SPECC1: variants seen among roughly 807,000 people sequenced by gnomAD.
The protein encoded by SPECC1 is cytospin-B.
A neutral mutation model predicts 104.1 loss-of-function variants in SPECC1; 62 were observed. The observed-to-expected ratio is 0.60, with a 90% CI of 0.49 to 0.74. SPECC1 has a LOEUF of 0.74. Ranked by LOEUF, SPECC1 falls within the 30% of genes least tolerant of loss-of-function variation. The probability of loss-of-function intolerance (pLI) is 0.00; values close to 1 mark genes in which losing one functional copy is unlikely to be tolerated. For missense variants in SPECC1, 1,306 were observed against 1,310.5 expected, an observed-to-expected ratio of 1.00 and a Z score of 0.05; for synonymous variants, 513 against 501.6, an observed-to-expected ratio of 1.02 and a Z score of -0.30.
chr17:20,236,830 A>G (rs2038943107), intron 7 of SPECC1: 2 of 1,613,756 alleles, frequency 1.2e-6, no homozygotes, highest in Non-Finnish European at 8.5e-7. Context: ...ACTCCTTTAC[A>G]GCCTCTCCCT....
At chr17:20,013,448 T>C (rs1481957236) in intron 1 of SPECC1, among the ~76,000 whole-genome samples, 2 of 152,230 alleles carry the variant, frequency 1.3e-5, no homozygotes, top group Non-Finnish European at 2.9e-5. Context: ...AGCCCATTTA[T>C]ATTTATTTTG....
chr17:20,296,931 CTTGT>C, intron 12 of SPECC1, 26 bp from the exon 13 acceptor site: 3 of 1,601,188 alleles, frequency 1.9e-6, no homozygotes, highest in Non-Finnish European at 2.6e-6. Flanking sequence ...TGCAATAGTT[CTTGT>C]TTATTACTAC....
chr17:20,242,439 G>A (rs555472689), intron 7 of SPECC1, among the ~76,000 whole-genome samples: 8 of 152,226 alleles, frequency 5.3e-5, no homozygotes, highest in Non-Finnish European at 1.0e-4. Flanking sequence ...TCTGCTTATG[G>A]AGTGTGCATC....
intron 1 of SPECC1, among the ~76,000 whole-genome samples, chr17:20,030,643 ATT>A (rs1382229747): frequency 2.0e-5 from 3 of 152,196 alleles, no homozygotes; most frequent in Admixed American, 1.3e-4. Flanking sequence ...AAAAATATGC[ATT>A]GTTAGTGTCA....
intron 1 of SPECC1, among the ~76,000 whole-genome samples, chr17:20,011,832 G>A (rs1474841696): frequency 6.6e-6 from 1 of 151,636 alleles, no homozygotes; most frequent in African/African-American, 2.4e-5. Flanking sequence ...TATTGCTATT[G>A]TTTTTGTTAT....
At chr17:20,184,272 G>A (rs559350704) in intron 3 of SPECC1, among the ~76,000 whole-genome samples, 1 of 151,192 alleles carries the variant, frequency 6.6e-6, no homozygotes, top group East Asian at 2.0e-4. Flanking sequence ...TGACCAGGAT[G>A]TATTATCAGG....
intron 12 of SPECC1, among the ~76,000 whole-genome samples, chr17:20,288,682 A>G (rs2041044686): frequency 1.3e-5 from 2 of 151,538 alleles, no homozygotes; most frequent in African/African-American, 4.8e-5. Context: ...GACATACCTG[A>G]GACTGGGAAG....
At chr17:20,149,392 C>T (rs1049278992) in intron 3 of SPECC1, among the ~76,000 whole-genome samples, 2 of 152,200 alleles carry the variant, frequency 1.3e-5, no homozygotes, top group Non-Finnish European at 2.9e-5. Flanking sequence ...TGGCTCACTG[C>T]ATAAACTGTG....
intron 1 of SPECC1, among the ~76,000 whole-genome samples, chr17:20,075,592 A>G (rs2046727923): frequency 6.6e-6 from 1 of 152,132 alleles, no homozygotes; most frequent in Non-Finnish European, 1.5e-5. Context: ...GCTTGAGACC[A>G]GGAGTTCGAG....
chr17:20,030,860 T>A (rs1399411354), intron 1 of SPECC1, among the ~76,000 whole-genome samples: 1 of 152,196 alleles, frequency 6.6e-6, no homozygotes, highest in African/African-American at 2.4e-5. Context: ...AAGATACATA[T>A]AAAATTTACC....
rs531055234 is a variant in SPECC1, at chr17:20,158,823, A to T, written c.284-45510A>T. Among the ~76,000 whole-genome samples the T allele has an allele frequency of 3.9e-5, 6 of 152,150 alleles. No homozygotes were observed. In the South Asian group the frequency reaches 1.2e-3, roughly 31 times the overall value. On this transcript the variant is annotated intron_variant, in intron 3 of 14. Coordinates refer to ENST00000395527, the MANE Select transcript of SPECC1 (RefSeq NM_001243439.2). Reference sequence around the variant, plus strand: ...ACCTGGGGTGGAGTGCAGTGCTGTGATCATGGCTCACTGCAGCCTTGACCT... The same window carrying T: ...ACCTGGGGTGGAGTGCAGTGCTGTGTTCATGGCTCACTGCAGCCTTGACCT...
chr17:20,130,979 G>T (rs1293718019), intron 3 of SPECC1, among the ~76,000 whole-genome samples: 1 of 152,090 alleles, frequency 6.6e-6, no homozygotes, highest in Non-Finnish European at 1.5e-5. Flanking sequence ...TTTTATTTTT[G>T]AGGAATTGTA....
chr17:20,232,554 G>T (rs2038662729), intron 7 of SPECC1, 149 bp downstream of exon 7: 1 of 861,816 alleles, frequency 1.2e-6, no homozygotes, highest in Non-Finnish European at 1.8e-6. Context: ...CTTACCACTA[G>T]GAACATTCTG....
chr17:20,205,065 C>T lies in SPECC1; in HGVS notation c.1016C>T (p.Pro339Leu). ...TTTGAGCACATTACAGCAGAGACACCCTCAAGGCCCCTGTCCTCCACCAGT... is the reference window on the plus strand; with the variant it reads ...TTTGAGCACATTACAGCAGAGACACTCTCAAGGCCCCTGTCCTCCACCAGT... ...SDFEHITAETPSRPLSSTSNP... is the reference protein window; with the variant it reads ...SDFEHITAETLSRPLSSTSNP... Residue 339 changes from proline to leucine, a missense_variant, in exon 4 of 15, where the codon CCC (proline) becomes CTC (leucine). Pro to Leu is a moderately conservative substitution (Grantham distance 98, BLOSUM62 -3). Coordinates refer to ENST00000395527, the MANE Select transcript of SPECC1 (RefSeq NM_001243439.2). 6.2e-7 allele frequency: 1 copy of T among 1,614,136 alleles called. No homozygotes were observed. Among genetic ancestry groups the T allele is most frequent in the Non-Finnish European group, 8.5e-7 (1 of 1,180,014 alleles).
intron 3 of SPECC1, among the ~76,000 whole-genome samples, chr17:20,151,576 T>C (rs1483316711): frequency 6.6e-6 from 1 of 152,164 alleles, no homozygotes; most frequent in Admixed American, 6.5e-5. Context: ...AGAGCCACTT[T>C]TAAGGTTTAC....
At chr17:20,180,439 T>C (rs971026061) in intron 3 of SPECC1, among the ~76,000 whole-genome samples, 3 of 152,230 alleles carry the variant, frequency 2.0e-5, no homozygotes, top group African/African-American at 7.2e-5. Context: ...TATAACTGCC[T>C]TTAAGCAGCA....
In SPECC1 at chr17:20,253,576, T is replaced by C. The variant is rs753808259; in HGVS notation, c.2670T>C (p.Leu890=). 12 of 1,613,866 alleles carry C rather than the reference T, an allele frequency of 7.4e-6. No individual in the cohort carries two copies. In the African/African-American group the frequency reaches 1.5e-4, roughly 20 times the overall value. Residue 890 remains leucine, a synonymous_variant, in exon 10 of 15, where the codon CTT becomes CTC. Transcript: ENST00000395527. ...CTCAACGCTTGGACCTTCCTGACCT[T>C]CCCCTCTCAGGTAAATTATGTCAAC... ...GVTQRLDLPD[L]PLSDILKGRT...
chr17:20,045,178 G>A (rs1313577318), intron 1 of SPECC1, among the ~76,000 whole-genome samples: 1 of 151,828 alleles, frequency 6.6e-6, no homozygotes, highest in African/African-American at 2.4e-5. Flanking sequence ...CCAGAAATTA[G>A]CTCATACTGA....
intron 12 of SPECC1, among the ~76,000 whole-genome samples, chr17:20,275,001 C>G (rs988253668): frequency 6.6e-6 from 1 of 150,882 alleles, no homozygotes; most frequent in African/African-American, 2.5e-5. Flanking sequence ...AATACTCTAT[C>G]AACTAAAGGA....
Sources: gnomAD v4.1 joint callset for allele counts (sites outside exome capture counted in the v4.1 genomes callset) on GRCh38, gnomAD v4.1.1 for gene constraint, MANE v1.5 for transcripts, NCBI Gene and HGNC (gene_info 2026-07-23, HGNC 2026-07-21) for gene names.